CLVS1: variants seen among roughly 807,000 people sequenced by gnomAD.
The protein encoded by CLVS1 is clavesin-1.
In CLVS1, 10 loss-of-function variants were observed where a neutral mutation model predicts 33.1. The ratio of observed to expected loss-of-function variants is 0.30; its 90% CI spans 0.19 to 0.51. CLVS1 has a LOEUF of 0.51. Ranked by LOEUF, CLVS1 falls within the 20% of genes least tolerant of loss-of-function variation. CLVS1 has a pLI of 0.97. For missense variants in CLVS1, 343 were observed against 433.4 expected (o/e 0.79, Z 1.85); for synonymous variants, 163 against 166.1 (o/e 0.98, Z 0.14).
the CLVS1 span, among the ~76,000 whole-genome samples, chr8:60,995,942 C>T: frequency 5.5e-4 from 83 of 152,156 alleles, no homozygotes; most frequent in African/African-American, 1.8e-3. Context: ...TATTCTCACT[C>T]ATAGGTGGGA....
chr8:61,485,866 G>A (rs1015232276), intron 5 of CLVS1, among the ~76,000 whole-genome samples: 1 of 151,942 alleles, frequency 6.6e-6, no homozygotes, highest in Admixed American at 6.6e-5. Context: ...AACACCACAT[G>A]TTCTCACTCA....
At chr8:61,203,389 C>T (rs1319465973) in intron 2 of CLVS1, among the ~76,000 whole-genome samples, 1 of 151,982 alleles carries the variant, frequency 6.6e-6, no homozygotes, top group Non-Finnish European at 1.5e-5. Flanking sequence ...GTCCAAAATG[C>T]CTGTTTAGTT....
intron 2 of CLVS1, among the ~76,000 whole-genome samples, chr8:61,280,886 C>T (rs1809657252): frequency 6.6e-6 from 1 of 152,134 alleles, no homozygotes; most frequent in Non-Finnish European, 1.5e-5. Flanking sequence ...CCTAGGCCTC[C>T]CAAAGTGCTC....
At chr8:61,015,442 G>A in the CLVS1 span, among the ~76,000 whole-genome samples, 3 of 152,206 alleles carry the variant, frequency 2.0e-5, no homozygotes, top group African/African-American at 4.8e-5. Context: ...GTGTTTAGTA[G>A]TTGGGCTCAG....
chr8:61,153,038 C>T (rs1806572977), intron 2 of CLVS1, among the ~76,000 whole-genome samples: 3 of 152,060 alleles, frequency 2.0e-5, no homozygotes, highest in South Asian at 4.2e-4. Context: ...CATGGTGGCA[C>T]AAACCTGTAG....
the CLVS1 span, among the ~76,000 whole-genome samples, chr8:61,052,106 C>A: frequency 1.3e-5 from 2 of 152,282 alleles, no homozygotes; most frequent in Admixed American, 1.3e-4. Context: ...GTCACCGCAC[C>A]CCGTGGGAGA....
At chr8:61,036,104 C>T in the CLVS1 span, among the ~76,000 whole-genome samples, 2 of 152,202 alleles carry the variant, frequency 1.3e-5, no homozygotes, top group East Asian at 3.9e-4. Context: ...AGCATTAAAG[C>T]ATTTGTATTG....
At chr8:61,447,849 A>C (rs1344919046) in intron 3 of CLVS1, among the ~76,000 whole-genome samples, 1 of 152,082 alleles carries the variant, frequency 6.6e-6, no homozygotes, top group Non-Finnish European at 1.5e-5. Context: ...ATGATTCGAA[A>C]ATTCTCTTAT....
At chr8:61,290,719 G>A (rs1179150566) in intron 1 of CLVS1, among the ~76,000 whole-genome samples, 3 of 152,164 alleles carry the variant, frequency 2.0e-5, no homozygotes, top group African/African-American at 7.2e-5. Context: ...TACTCTTCCT[G>A]TTACACAGTG....
chr8:61,474,640 G>A (rs1817847520), intron 5 of CLVS1, among the ~76,000 whole-genome samples: 1 of 152,294 alleles, frequency 6.6e-6, no homozygotes, highest in Admixed American at 6.5e-5. Context: ...ACACCAAGCA[G>A]GTGAGATTGG....
At chr8:61,178,117 T>C (rs1280343851) in intron 2 of CLVS1, among the ~76,000 whole-genome samples, 1 of 152,130 alleles carries the variant, frequency 6.6e-6, no homozygotes, top group Non-Finnish European at 1.5e-5. Flanking sequence ...TTACAGGAGC[T>C]GCTAACTAGA....
intron 2 of CLVS1, among the ~76,000 whole-genome samples, chr8:61,275,660 C>T (rs998797105): frequency 2.6e-5 from 4 of 152,102 alleles, no homozygotes; most frequent in African/African-American, 7.2e-5. Flanking sequence ...TGAGTTCAAT[C>T]CCCCCACAGG....
chr8:61,488,930 A>G (rs1033621725), intron 5 of CLVS1, among the ~76,000 whole-genome samples: 1 of 152,134 alleles, frequency 6.6e-6, no homozygotes, highest in Non-Finnish European at 1.5e-5. Flanking sequence ...TTCTCAGTTA[A>G]GTCTAATCCA....
At chr8:61,293,967 A>T (rs1356487177) in intron 1 of CLVS1, among the ~76,000 whole-genome samples, 3 of 152,166 alleles carry the variant, frequency 2.0e-5, no homozygotes, top group Non-Finnish European at 2.9e-5. Flanking sequence ...AGCCATGCAA[A>T]TTTGAAGTGT....
At chr8:61,491,078 T>TA (rs1804060776) in intron 5 of CLVS1, among the ~76,000 whole-genome samples, 4 of 152,356 alleles carry the variant, frequency 2.6e-5, no homozygotes, top group African/African-American at 9.6e-5. Flanking sequence ...TGAGACTTTC[T>TA]AGGCTTTTCT....
chr8:61,353,075 C>G (rs184003208), intron 2 of CLVS1, among the ~76,000 whole-genome samples: 9 of 152,090 alleles, frequency 5.9e-5, no homozygotes, highest in African/African-American at 2.2e-4. Context: ...ACAGCAAAAA[C>G]TGATAGTGCT....
intron 3 of CLVS1, among the ~76,000 whole-genome samples, chr8:61,415,491 A>G (rs1219335700): frequency 2.0e-5 from 3 of 152,258 alleles, no homozygotes; most frequent in Non-Finnish European, 2.9e-5. Context: ...TCAAATGATT[A>G]TGGCTAAGCC....
chr8:61,250,038 T>C (rs1808901370), intron 2 of CLVS1, among the ~76,000 whole-genome samples: 1 of 152,256 alleles, frequency 6.6e-6, no homozygotes, highest in Non-Finnish European at 1.5e-5. Context: ...CTAGGATTTT[T>C]ATGGTTTTAA....
chr8:61,062,480 C>T (rs1307900701), intron 1 of CLVS1, among the ~76,000 whole-genome samples: 1 of 152,128 alleles, frequency 6.6e-6, no homozygotes, highest in Admixed American at 6.5e-5. Context: ...AGGAAGACCA[C>T]CCTACGTTCC....
Sources: gnomAD v4.1 joint callset for allele counts (sites outside exome capture counted in the v4.1 genomes callset) on GRCh38, gnomAD v4.1.1 for gene constraint, MANE v1.5 for transcripts, NCBI Gene and HGNC (gene_info 2026-07-23, HGNC 2026-07-21) for gene names.